Variants in WRAP73 observed in about 807,000 individuals in gnomAD.
WRAP73 encodes the protein WD repeat containing, antisense to TP73.
A neutral mutation model predicts 59.6 loss-of-function variants in WRAP73; 55 were observed. The ratio of observed to expected loss-of-function variants is 0.92; its 90% CI spans 0.74 to 1.15. The LOEUF is 1.15. Among genes scored for constraint, WRAP73 ranks in the 50% most tolerant of loss-of-function variants. WRAP73 has a pLI of 0.00. For synonymous variants in WRAP73, 265 were observed against 258.2 expected (o/e 1.03, Z -0.25); for missense variants, 592 against 608.1 (o/e 0.97, Z 0.28).
In WRAP73 at chr1:3,632,351, C is replaced by T. The variant is rs747083746; in HGVS notation, c.923-13G>A. 1.2e-6 allele frequency: 2 copies of T among 1,613,942 alleles called. No homozygotes were observed. The highest frequency in any genetic ancestry group is 2.7e-5 in the African/African-American group (2 of 74,940). On this transcript the variant is annotated splice_polypyrimidine_tract_variant and intron_variant, in intron 9 of 11. Transcript: ENST00000270708. ...GAGGCGATCTCATCTAGAACACCAA[C>T]AGGAAGAACACGCCATTGTCACCCT...
chr1:3,632,162 G>A, intron 10 of WRAP73, 51 bp downstream of exon 10: 1 of 1,561,452 alleles, frequency 6.4e-7, no homozygotes, highest in South Asian at 1.2e-5. Context: ...TACACCTGGG[G>A]CCACAGGACA....
intron 3 of WRAP73, among the ~76,000 whole-genome samples, chr1:3,643,628 C>A (rs1233119193): frequency 4.3e-5 from 6 of 139,850 alleles, no homozygotes; most frequent in African/African-American, 1.6e-4. Context: ...GAGCCCCGGA[C>A]ATGGGGTCGC....
chr1:3,632,921 G>A (rs1644552570), intron 9 of WRAP73: 1 of 213,130 alleles, frequency 4.7e-6, no homozygotes, highest in African/African-American at 2.4e-5. Context: ...ACCTTCAGAT[G>A]CCCTCATGCC....
intron 5 of WRAP73, chr1:3,636,492 TCA>T: frequency 3.1e-6 from 1 of 324,964 alleles, no homozygotes; most frequent in South Asian, 2.6e-5. Context: ...TAGACCCAGC[TCA>T]GACAAGTCCC....
At chr1:3,649,874 G>T (rs929905977) in intron 1 of WRAP73, 57 bp downstream of exon 1, 2 of 1,538,846 alleles carry the variant, frequency 1.3e-6, no homozygotes, top group East Asian at 2.5e-5. Flanking sequence ...GGCCCTGCCC[G>T]CCGGGGACGC....
At position 3,634,996 on chromosome 1, in the gene WRAP73, C is replaced by T. The variant is rs1276530784; in HGVS notation, c.816+1G>A. The T allele has an allele frequency of 6.2e-7, 1 of 1,614,222 alleles. No individual in the cohort carries two copies. The highest frequency in any genetic ancestry group is 8.5e-7 in the Non-Finnish European group (1 of 1,180,034). ...GGCAGAAACACGTGTTCCAGACTTACTATCTTGGGATCATTAATGGCTGCA... is the reference window on the plus strand; with the variant it reads ...GGCAGAAACACGTGTTCCAGACTTATTATCTTGGGATCATTAATGGCTGCA... On this transcript the variant is annotated splice_donor_variant, in intron 8 of 11. Transcript: ENST00000270708. LOFTEE classifies it high-confidence loss of function.
At chr1:3,633,546 C>T in intron 8 of WRAP73, 43 bp from the exon 9 acceptor site, 1 of 1,487,652 alleles carries the variant, frequency 6.7e-7, no homozygotes. Flanking sequence ...GGACAGGGAC[C>T]CGGAAGCCAA....
At position 3,646,234 on chromosome 1, in the gene WRAP73, C is replaced by T. The variant is rs912788015; in HGVS notation, c.339+432G>A. Among the ~76,000 whole-genome samples, 4 of 152,140 alleles carry T rather than the reference C, an allele frequency of 2.6e-5. No homozygotes were observed. Among genetic ancestry groups the T allele is most frequent in the African/African-American group, 9.7e-5 (4 of 41,420 alleles). On this transcript the variant is annotated intron_variant, in intron 3 of 11. Coordinates refer to ENST00000270708, the MANE Select transcript of WRAP73 (RefSeq NM_017818.4). This position sits in a 1 kb window ranked among gnomAD's most constrained non-coding sequence, Gnocchi z 5.1. ...AGCCCAAAGCACGGGCGGTGGGGCT[C>T]GCAATCTGGATACGCCAAAGAGAAG...
chr1:3,633,340 A>C (rs1468950055), intron 9 of WRAP73, 58 bp downstream of exon 9: 1 of 1,490,238 alleles, frequency 6.7e-7, no homozygotes, highest in Non-Finnish European at 9.3e-7. Context: ...GTTTATCTGG[A>C]CAACGAGGAA....
intron 3 of WRAP73, 132 bp from the exon 4 acceptor site, chr1:3,638,954 G>GA: frequency 1.2e-6 from 1 of 866,036 alleles, no homozygotes; most frequent in Non-Finnish European, 1.8e-6. Context: ...GGACCTGGGG[G>GA]ATGCCTGCCC....
chr1:3,650,024 C>A lies in WRAP73; in HGVS notation c.-25G>T, dbSNP rs751714937. 3 of 1,579,598 alleles carry A rather than the reference C, an allele frequency of 1.9e-6. No homozygotes were observed. The highest frequency in any genetic ancestry group is 2.6e-6 in the Non-Finnish European group (3 of 1,165,520). ...TGGCCGCCGCCTGCCGCGGGCGCCACCCTGCGCCCGAAAACCCGCGGGACC... is the reference window on the plus strand; with the variant it reads ...TGGCCGCCGCCTGCCGCGGGCGCCAACCTGCGCCCGAAAACCCGCGGGACC... On this transcript the variant is annotated 5_prime_UTR_variant, in exon 1 of 12. Transcript: ENST00000270708.
intron 4 of WRAP73, 91 bp from the exon 5 acceptor site, chr1:3,637,189 A>T: frequency 9.0e-7 from 1 of 1,111,780 alleles, no homozygotes; most frequent in Non-Finnish European, 1.3e-6. Context: ...GGAGGAGGAA[A>T]AGAAAGCAGA....
In WRAP73 at chr1:3,644,621, C is replaced by T. The variant is rs147666999; in HGVS notation, c.339+2045G>A. Among the ~76,000 whole-genome samples, 962 of 152,324 alleles carry T rather than the reference C, an allele frequency of 6.3e-3. 12 individuals carry two copies. Among genetic ancestry groups the T allele is most frequent in the African/African-American group, 0.021 (880 of 41,568 alleles). On this transcript the variant is annotated intron_variant, in intron 3 of 11. Coordinates refer to ENST00000270708, the MANE Select transcript of WRAP73 (RefSeq NM_017818.4). ...AAGATGCCCCATGCCTTGAGGTTAC[C>T]GGTCCTCATCCACCACCTGGTCTTA...
intron 5 of WRAP73, 60 bp downstream of exon 5, chr1:3,636,935 T>C (rs192036861): frequency 6.5e-7 from 1 of 1,528,788 alleles, no homozygotes; most frequent in Non-Finnish European, 9.0e-7. Context: ...AAGGATCTAC[T>C]TCACTCGATC....
chr1:3,630,774 A>G lies in WRAP73; in HGVS notation c.*201T>C. The G allele has an allele frequency of 1.5e-6, 1 of 683,686 alleles. No individual in the cohort carries two copies. The highest frequency in any genetic ancestry group is 4.3e-4 in the Middle Eastern group (1 of 2,322). 42.4% of individuals were successfully genotyped at this position (683,686 alleles called of 1,614,324 possible). A position where few individuals can be genotyped will look rare whatever the true frequency, so the allele number is the denominator to read the frequency against. ...ACGTTTCAAGAAGAGAAGTAGTTGT[A>G]TAAATCAGCAAGTATTTATTTTAAA... On this transcript the variant is annotated 3_prime_UTR_variant, in exon 12 of 12. Transcript: ENST00000270708.
rs775408202 is a variant in WRAP73 at position 3,632,275 on chromosome 1, G to A, written c.986C>T (p.Pro329Leu). Residue 329 changes from proline (P) to leucine (L), a missense_variant, in exon 10 of 12, where the codon CCG becomes CTG. Coordinates refer to ENST00000270708, the MANE Select transcript of WRAP73 (RefSeq NM_017818.4). ...TGCCAGCATTCCTATGCCGATTTTC[G>A]GGTTTGCTCTGTCGGTAACAGGTTT... ...TLKPVTDRAN[P>L]KIGIGMLAFS... is the part of the protein sequence containing the mutation. The A allele has an allele frequency of 7.4e-6, 12 of 1,614,022 alleles. No homozygotes were observed. The highest frequency in any genetic ancestry group is 2.7e-5 in the African/African-American group (2 of 74,940).
chr1:3,636,077 T>C (rs373797569), intron 5 of WRAP73, 47 bp from the exon 6 acceptor site: 176 of 1,418,342 alleles, frequency 1.2e-4, no homozygotes, highest in Non-Finnish European at 1.7e-4. Flanking sequence ...AATATTTTCG[T>C]AAATAAATAA....
At chr1:3,631,962 T>C in intron 10 of WRAP73, 1 of 1,405,358 alleles carries the variant, frequency 7.1e-7, no homozygotes, top group Non-Finnish European at 9.2e-7. Context: ...CCAGCCCTGC[T>C]TTCTACTCAG....
intron 6 of WRAP73, 149 bp from the exon 7 acceptor site, chr1:3,635,443 C>G (rs1012309463): frequency 9.6e-7 from 1 of 1,046,438 alleles, no homozygotes; most frequent in Admixed American, 2.4e-5. Flanking sequence ...GAACTGCCAG[C>G]TAGTACTGAG....
Sources: allele counts gnomAD v4.1 joint callset (sites outside exome capture counted in the v4.1 genomes callset), GRCh38; gene constraint gnomAD v4.1.1; non-coding constraint Gnocchi (gnomAD v3.1); transcripts MANE v1.5; gene names NCBI Gene and HGNC (gene_info 2026-07-23, HGNC 2026-07-21).